INTS4: variants seen among roughly 807,000 people sequenced by gnomAD.
INTS4 encodes MSTP093.
Under a neutral mutation model 119.5 loss-of-function variants are expected in INTS4, and 70 were observed. The observed-to-expected ratio is 0.59, with a 90% CI of 0.48 to 0.71. INTS4 has a LOEUF of 0.71. Among genes scored for constraint, INTS4 ranks in the 30% least tolerant of loss-of-function variants. INTS4 has a pLI of 0.00. For synonymous variants in INTS4, 316 were observed against 419.6 expected, an observed-to-expected ratio of 0.75 and a Z score of 3.02; for missense variants, 867 against 1,173.2, an observed-to-expected ratio of 0.74 and a Z score of 3.81.
rs376222243 is a variant in INTS4 at position 77,922,555 on chromosome 11, C to A, written c.1515-84G>T. On this transcript the variant is annotated intron_variant, in intron 12 of 22. Coordinates refer to ENST00000534064, the MANE Select transcript of INTS4 (RefSeq NM_033547.4). Reference sequence around the variant, plus strand: ...GTACTAGGAACTGGAATCAGAAAACCTGAACTGGAATTGGAAATTCTCAAC... The same window carrying A: ...GTACTAGGAACTGGAATCAGAAAACATGAACTGGAATTGGAAATTCTCAAC... The A allele has an allele frequency of 9.8e-5, 63 of 642,984 alleles. 1 individual carries two copies. The South Asian group carries it at 1.2e-3, about 12-fold the overall frequency. The allele number at this position is 642,984 out of a possible 1,614,324, so 39.8% of individuals were successfully genotyped here.
chr11:77,957,276 G>C (rs1467449135), intron 7 of INTS4, among the ~76,000 whole-genome samples: 1 of 152,072 alleles, frequency 6.6e-6, no homozygotes, highest in Non-Finnish European at 1.5e-5. Context: ...ACCCACCAAA[G>C]GTTCAGCCAG....
At chr11:77,947,357 A>G (rs1484329073) in intron 8 of INTS4, among the ~76,000 whole-genome samples, 2 of 152,244 alleles carry the variant, frequency 1.3e-5, no homozygotes, top group South Asian at 2.1e-4. Context: ...AAGGTACATT[A>G]TAATCAAACT....
intron 16 of INTS4, among the ~76,000 whole-genome samples, chr11:77,906,487 GC>G: frequency 6.6e-6 from 1 of 152,214 alleles, no homozygotes; most frequent in Non-Finnish European, 1.5e-5. Context: ...CTTCTCCATG[GC>G]CTCCTTGAAT....
At chr11:77,950,759 A>G (rs12789522) in intron 8 of INTS4, among the ~76,000 whole-genome samples, 58,409 of 151,840 alleles carry the variant, frequency 0.38, 11,433 homozygotes, top group African/African-American at 0.42. Flanking sequence ...TTTAGGGTAC[A>G]TGTGCACAAC....
chr11:77,879,224 G>A, intron 22 of INTS4, 97 bp from the exon 23 acceptor site: 1 of 1,359,626 alleles, frequency 7.4e-7, no homozygotes, highest in Non-Finnish European at 1.0e-6. Flanking sequence ...GAAGCAGTAG[G>A]GAGAAATTTC....
At chr11:77,888,431 G>T (rs2136380878) in intron 21 of INTS4, among the ~76,000 whole-genome samples, 1 of 152,252 alleles carries the variant, frequency 6.6e-6, no homozygotes, top group Non-Finnish European at 1.5e-5. Context: ...ATTCAAGATG[G>T]ATTAAAGACT....
chr11:77,931,249 A>G (rs1423861570), intron 10 of INTS4, among the ~76,000 whole-genome samples: 1 of 152,226 alleles, frequency 6.6e-6, no homozygotes, highest in Non-Finnish European at 1.5e-5. Context: ...ACAAAGTCCC[A>G]AAAAGGAGGG....
chr11:77,877,057 C>T (rs1317262500), downstream of INTS4: 15 of 702,750 alleles, frequency 2.1e-5, no homozygotes, highest in Middle Eastern at 2.3e-4. Context: ...CAGGTAAGCA[C>T]ACTAGAAAAG....
chr11:77,926,219 G>T (rs775441146), intron 11 of INTS4, among the ~76,000 whole-genome samples: 2 of 152,078 alleles, frequency 1.3e-5, no homozygotes, highest in South Asian at 2.1e-4. Context: ...CAGCTGGAAG[G>T]GTCAGCAAGG....
At chr11:77,924,045 G>A (rs564502894) in intron 12 of INTS4, among the ~76,000 whole-genome samples, 39 of 150,500 alleles carry the variant, frequency 2.6e-4, no homozygotes, top group Non-Finnish European at 4.3e-4. Context: ...GATTATAGGC[G>A]TGAGCCACTG....
chr11:77,950,417 C>G (rs934564284), intron 8 of INTS4, among the ~76,000 whole-genome samples: 13 of 151,652 alleles, frequency 8.6e-5, no homozygotes, highest in South Asian at 4.2e-4. Flanking sequence ...TTAGCAGACA[C>G]TGGGGAGGGG....
chr11:77,957,679 T>C (rs891170259), intron 7 of INTS4, among the ~76,000 whole-genome samples: 1 of 148,850 alleles, frequency 6.7e-6, no homozygotes, highest in African/African-American at 2.5e-5. Context: ...TTTTTTTTTT[T>C]TTTTTGAGAG....
intron 18 of INTS4, chr11:77,900,692 A>C: frequency 1.5e-6 from 1 of 684,430 alleles, no homozygotes; most frequent in East Asian, 2.7e-5. Context: ...AATAGTAAGA[A>C]ACAAAAAACA....
At chr11:77,926,095 C>T (rs1314179425) in intron 11 of INTS4, among the ~76,000 whole-genome samples, 1 of 152,152 alleles carries the variant, frequency 6.6e-6, no homozygotes, top group Non-Finnish European at 1.5e-5. Flanking sequence ...GGGATCCTGC[C>T]TGTTTTGATA....
At chr11:77,923,737 G>A (rs772958056) in intron 12 of INTS4, among the ~76,000 whole-genome samples, 7 of 150,746 alleles carry the variant, frequency 4.6e-5, no homozygotes, top group Non-Finnish European at 8.9e-5. Flanking sequence ...TAAAAGCAAG[G>A]TAATTATATA....
intron 20 of INTS4, 39 bp from the exon 21 acceptor site, chr11:77,891,501 G>C: frequency 6.2e-7 from 1 of 1,610,056 alleles, no homozygotes; most frequent in Non-Finnish European, 8.5e-7. Context: ...TTAAAGCCAG[G>C]TCATTCCTGG....
chr11:77,993,647 T>C (rs896328268), intron 1 of INTS4, among the ~76,000 whole-genome samples: 8 of 23,822 alleles, frequency 3.4e-4, no homozygotes, highest in African/African-American at 1.4e-3. Context: ...ATTTTGTATT[T>C]GTATTAACAT....
At chr11:77,920,172 C>CATAT (rs1426268158) in intron 14 of INTS4, among the ~76,000 whole-genome samples, 3 of 148,724 alleles carry the variant, frequency 2.0e-5, no homozygotes, top group Admixed American at 6.8e-5. Flanking sequence ...CATATATATA[C>CATAT]ATATACATAT....
intron 10 of INTS4, among the ~76,000 whole-genome samples, chr11:77,928,867 A>G (rs537556569): frequency 6.6e-6 from 1 of 152,010 alleles, no homozygotes; most frequent in East Asian, 1.9e-4. Context: ...CACACAAAAA[A>G]CAAATTAGCC....
Sources: allele counts gnomAD v4.1 joint callset (sites outside exome capture counted in the v4.1 genomes callset), GRCh38; gene constraint gnomAD v4.1.1; transcripts MANE v1.5; gene names NCBI Gene and HGNC (gene_info 2026-07-23, HGNC 2026-07-21).